Variants in ST3GAL4 observed in about 807,000 individuals in gnomAD.
ST3GAL4 encodes CMP-N-acetylneuraminate-beta-galactosamide-alpha-2,3-sialyltransferase 4.
ST3GAL4 carries 24 observed loss-of-function variants against 42.6 expected under a neutral mutation model. The ratio of observed to expected loss-of-function variants is 0.56; its 90% CI spans 0.41 to 0.79. ST3GAL4 has a LOEUF of 0.79. ST3GAL4 is among the 30% of genes least tolerant of loss of function. ST3GAL4 has a pLI of 0.00. For missense variants in ST3GAL4, 311 were observed against 430.8 expected (o/e 0.72, Z 2.46); for synonymous variants, 135 against 163.2 (o/e 0.83, Z 1.32).
At chr11:126,408,020 G>A (rs1313653968) in intron 6 of ST3GAL4, 79 bp from the exon 7 acceptor site, 2 of 1,505,138 alleles carry the variant, frequency 1.3e-6, no homozygotes, top group African/African-American at 2.7e-5. Flanking sequence ...GTGGTCCTGA[G>A]ATGGGCCCAG....
At chr11:126,405,997 T>C in intron 1 of ST3GAL4, 99 bp from the exon 2 acceptor site, 1 of 1,408,570 alleles carries the variant, frequency 7.1e-7, no homozygotes, top group East Asian at 2.5e-5. Flanking sequence ...TCCTGCTTTC[T>C]GGTGGAAGGG....
intron 1 of ST3GAL4, among the ~76,000 whole-genome samples, chr11:126,389,629 T>A (rs1953391596): frequency 1.3e-5 from 2 of 152,190 alleles, no homozygotes; most frequent in Admixed American, 6.5e-5. Flanking sequence ...AGTGGCGCGA[T>A]CATAGCTCGC....
chr11:126,399,301 C>CTTTTTTTTTTTTTTTT (rs58479155), intron 1 of ST3GAL4, among the ~76,000 whole-genome samples: 1 of 87,734 alleles, frequency 1.1e-5, no homozygotes, highest in South Asian at 4.8e-4. Flanking sequence ...TTCTTTCCTT[C>CTTTTTTTTTTTTTTTT]TTTTTTTTTT....
rs1952330832 is a variant in ST3GAL4, at chr11:126,363,740, T to C, written c.-61+7898T>C. 6.6e-6 allele frequency among the ~76,000 whole-genome samples: 1 copy of C among 152,146 alleles called. No individual in the cohort carries two copies. The highest frequency in any genetic ancestry group is 2.1e-4 in the South Asian group (1 of 4,834). On this transcript the variant is annotated intron_variant, in intron 1 of 10. Transcript: ENST00000444328. This position sits in a 1 kb window ranked among gnomAD's most constrained non-coding sequence, Gnocchi z 4.6. ...GGGACCTGAACCCTCCACCCTCCTC[T>C]CTCTTGAGCTCTTTCTCCCAGGGGA... is the stretch of plus-strand genomic sequence containing the variant.
chr11:126,389,286 T>C (rs528211125), intron 1 of ST3GAL4, among the ~76,000 whole-genome samples: 7 of 152,232 alleles, frequency 4.6e-5, no homozygotes, highest in African/African-American at 7.2e-5. Context: ...CATGTGATAA[T>C]CTGCCAGGTT....
In ST3GAL4 at chr11:126,391,942, T is replaced by C. The variant is rs1255895220; in HGVS notation, c.-60-14154T>C. On this transcript the variant is annotated intron_variant, in intron 1 of 10. Transcript: ENST00000444328. This position sits in a 1 kb window ranked among gnomAD's most constrained non-coding sequence, Gnocchi z 5.5. The stretch of plus-strand genomic sequence containing the variant: ...ACACCTGTGATAACTTGGTCGTGTG[T>C]GTGTGTGTGTGTGTGTGTGTGTGTG... Among the ~76,000 whole-genome samples the C allele has an allele frequency of 6.1e-5, 8 of 131,410 alleles. No individual in the cohort carries two copies. Among genetic ancestry groups the C allele is most frequent in the Admixed American group, 4.3e-4 (6 of 14,112 alleles). 86.2% of individuals were successfully genotyped at this position (131,410 alleles called of 152,430 possible). A position where few individuals can be genotyped will look rare whatever the true frequency, so the allele number is the denominator to read the frequency against.
chr11:126,369,022 G>A (rs1018084293), intron 1 of ST3GAL4, among the ~76,000 whole-genome samples: 1 of 152,142 alleles, frequency 6.6e-6, no homozygotes, highest in Non-Finnish European at 1.5e-5. Context: ...TGGCCAGGCC[G>A]TGATTGCCCA....
chr11:126,409,245 CTCT>C lies in ST3GAL4; in HGVS notation c.628-19_628-17del. 6.2e-7 allele frequency: 1 copy of C among 1,610,228 alleles called. No individual in the cohort carries two copies. Among genetic ancestry groups the C allele is most frequent in the East Asian group, 2.2e-5 (1 of 44,794 alleles). ...CAGGGCTTCACCCGCTTCTGTCTCT[CTCT>C]TCTGACCCCATCCTCCTAGGTGCGA... On this transcript the variant is annotated intron_variant, in intron 8 of 10. Transcript: ENST00000444328. The surrounding 1 kb of genome is among the most constrained non-coding windows in gnomAD (Gnocchi z 4.9).
Position 126,414,177 on chromosome 11 carries a change from G to C in ST3GAL4, c.*130G>C. ...CCCCCTCTTGGGGAGGGAGTTCTGGGCCTGGCCAGGTCTGAGATGAGGCCA... is the reference window on the plus strand; with the variant it reads ...CCCCCTCTTGGGGAGGGAGTTCTGGCCCTGGCCAGGTCTGAGATGAGGCCA... On this transcript the variant is annotated 3_prime_UTR_variant, in exon 11 of 11. Transcript: ENST00000444328. 2.3e-6 allele frequency: 2 copies of C among 863,568 alleles called. No homozygotes were observed. Among genetic ancestry groups the C allele is most frequent in the Non-Finnish European group, 3.8e-6 (2 of 524,590 alleles). The allele number at this position is 863,568 out of a possible 1,614,324, so 53.5% of individuals were successfully genotyped here.
In ST3GAL4 at chr11:126,413,924, GGA is replaced by G. The variant is rs113314370; in HGVS notation, c.916-35_916-34del. On this transcript the variant is annotated intron_variant, in intron 10 of 10. Transcript: ENST00000444328. ...TTTCCTGGGGACAGAGAGGTCCCTG[GGA>G]GTCCCTCAGTTTATTTCCTTGGCTG... The G allele has an allele frequency of 1.8e-4, 293 of 1,609,654 alleles. 3 individuals carry two copies. The African/African-American group carries it at 3.3e-3, about 18-fold the overall frequency.
At chr11:126,360,737 G>C (rs1054468494) in intron 1 of ST3GAL4, among the ~76,000 whole-genome samples, 4 of 152,158 alleles carry the variant, frequency 2.6e-5, no homozygotes, top group Non-Finnish European at 5.9e-5. Flanking sequence ...TGTCTGTCTT[G>C]TTCACTGGTG....
chr11:126,406,336 C>G lies in ST3GAL4; in HGVS notation c.17-137C>G, dbSNP rs1025891415. 3.9e-6 allele frequency: 6 copies of G among 1,544,178 alleles called. No homozygotes were observed. The African/African-American group carries it at 8.2e-5, about 21-fold the overall frequency. ...GTACAATCAGGGTCAAGCCCTCAGC[C>G]AGGGCCAGGAGAGGGCCAGAGACTG... On this transcript the variant is annotated intron_variant, in intron 2 of 10. Transcript: ENST00000444328. This position sits in a 1 kb window ranked among gnomAD's most constrained non-coding sequence, Gnocchi z 5.4.
rs541808271 is a variant in ST3GAL4 at position 126,384,031 on chromosome 11, C to T, written c.-60-22065C>T. Among the ~76,000 whole-genome samples, 1 of 152,312 alleles carries T rather than the reference C, an allele frequency of 6.6e-6. No homozygotes were observed. The highest frequency in any genetic ancestry group is 1.9e-4 in the East Asian group (1 of 5,178). On this transcript the variant is annotated intron_variant, in intron 1 of 10. Coordinates refer to ENST00000444328, the MANE Select transcript of ST3GAL4 (RefSeq NM_001254757.2). This position sits in a 1 kb window ranked among gnomAD's most constrained non-coding sequence, Gnocchi z 5.5. Reference sequence around the variant, plus strand: ...GGGGGCCCTGCCCCACTCTCCCTTCCCAATGCAGGGCCCTCTCCTCTGGCG... The same window carrying T: ...GGGGGCCCTGCCCCACTCTCCCTTCTCAATGCAGGGCCCTCTCCTCTGGCG...
Position 126,384,981 on chromosome 11 carries a change from C to A in ST3GAL4, c.-60-21115C>A, listed in dbSNP as rs568022618. On this transcript the variant is annotated intron_variant, in intron 1 of 10. Coordinates refer to ENST00000444328, the MANE Select transcript of ST3GAL4 (RefSeq NM_001254757.2). This position sits in a 1 kb window ranked among gnomAD's most constrained non-coding sequence, Gnocchi z 5.5. Reference sequence around the variant, plus strand: ...GACCAGGTGTCGCTGGCACCTTCCACGTCCTGAGTGCTTGTTCTGTGCCCA... The same window carrying A: ...GACCAGGTGTCGCTGGCACCTTCCAAGTCCTGAGTGCTTGTTCTGTGCCCA... The A allele has an allele frequency of 1.1e-6, 1 of 906,632 alleles. No homozygotes were observed. Among genetic ancestry groups the A allele is most frequent in the Non-Finnish European group, 1.3e-6 (1 of 758,020 alleles). 56.2% of individuals were successfully genotyped at this position (906,632 alleles called of 1,614,324 possible).
chr11:126,367,806 AGAAT>A (rs1952490472), intron 1 of ST3GAL4, among the ~76,000 whole-genome samples: 1 of 152,196 alleles, frequency 6.6e-6, no homozygotes, highest in South Asian at 2.1e-4. Context: ...TCTGTAAATG[AGAAT>A]GAAAGAGTAA....
intron 1 of ST3GAL4, among the ~76,000 whole-genome samples, chr11:126,371,377 C>A (rs183177815): frequency 1.2e-3 from 178 of 151,734 alleles, no homozygotes; most frequent in African/African-American, 3.8e-3. Flanking sequence ...GTTGGCCAGG[C>A]TGGTCTCAAA....
intron 1 of ST3GAL4, among the ~76,000 whole-genome samples, chr11:126,389,341 C>T (rs1490142833): frequency 2.0e-5 from 3 of 151,956 alleles, no homozygotes; most frequent in Non-Finnish European, 2.9e-5. Context: ...AGATTTTTTT[C>T]CTTTAAGAAA....
intron 9 of ST3GAL4, among the ~76,000 whole-genome samples, chr11:126,412,139 A>T (rs1394106524): frequency 6.6e-6 from 1 of 152,016 alleles, no homozygotes. Context: ...ATAGAGAGAG[A>T]GTGCAAGGAA....
Position 126,406,462 on chromosome 11 carries a change from G to T in ST3GAL4, c.17-11G>T. The T allele has an allele frequency of 6.2e-7, 1 of 1,614,172 alleles. No individual in the cohort carries two copies. Among genetic ancestry groups the T allele is most frequent in the Non-Finnish European group, 8.5e-7 (1 of 1,180,032 alleles). ...TGCTGCCTCTAGCTCCTCTCTGCAT[G>T]TGTCCTGCAGGCTGGAAGCTCCTGG... On this transcript the variant is annotated splice_polypyrimidine_tract_variant and intron_variant, in intron 2 of 10. Coordinates refer to ENST00000444328, the MANE Select transcript of ST3GAL4 (RefSeq NM_001254757.2). This position sits in a 1 kb window ranked among gnomAD's most constrained non-coding sequence, Gnocchi z 5.4.
Sources: gnomAD v4.1 joint callset for allele counts (sites outside exome capture counted in the v4.1 genomes callset) on GRCh38, gnomAD v4.1.1 for gene constraint, Gnocchi (gnomAD v3.1) non-coding constraint, MANE v1.5 for transcripts, NCBI Gene and HGNC (gene_info 2026-07-23, HGNC 2026-07-21) for gene names.